Variants in NCKAP5 observed in about 807,000 individuals in gnomAD.
NCKAP5 encodes the protein NCK associated protein 5, also known as nck-associated protein 5.
In NCKAP5, 92 loss-of-function variants were observed where a neutral mutation model predicts 167.0. The observed-to-expected ratio is 0.55, with a 90% CI of 0.47 to 0.66. The LOEUF is 0.66. NCKAP5 is among the 30% of genes least tolerant of loss of function. NCKAP5 has a pLI of 0.00. For synonymous variants in NCKAP5, 891 were observed against 877.4 expected (o/e 1.02, Z -0.27); for missense variants, 2,378 against 2,315.0 (o/e 1.03, Z -0.56).
intron 3 of NCKAP5, among the ~76,000 whole-genome samples, chr2:133,472,364 G>A (rs1472592814): frequency 6.6e-6 from 1 of 151,968 alleles, no homozygotes; most frequent in Non-Finnish European, 1.5e-5. Flanking sequence ...AGCATCTTAT[G>A]CTTCTAGACA....
chr2:133,166,570 C>A lies in NCKAP5; in HGVS notation c.208-36459G>T, dbSNP rs115558905. 4.9e-3 allele frequency among the ~76,000 whole-genome samples: 739 copies of A among 152,284 alleles called. 2 individuals are homozygous for A. Among genetic ancestry groups the A allele is most frequent in the Non-Finnish European group, 8.1e-3 (554 of 68,022 alleles). On this transcript the variant is annotated intron_variant, in intron 5 of 19. Coordinates refer to ENST00000409261, the MANE Select transcript of NCKAP5 (RefSeq NM_207363.3). ...CTTTTGCATTATTGCCTTAGGCCAG[C>A]TTTTCCTACCTTAAATTTAAACACA...
intron 3 of NCKAP5, among the ~76,000 whole-genome samples, chr2:133,395,522 G>T (rs911364673): frequency 2.6e-5 from 4 of 152,168 alleles, no homozygotes; most frequent in Non-Finnish European, 5.9e-5. Flanking sequence ...TAAATATTTT[G>T]AGTGAATTCT....
the NCKAP5 span, among the ~76,000 whole-genome samples, chr2:133,635,355 T>C: frequency 0.13 from 19,158 of 152,116 alleles, 2,442 homozygotes; most frequent in East Asian, 0.45. Context: ...AAATATCTGT[T>C]CTTATTCTAC....
At chr2:132,904,637 G>C (rs558568255) in intron 8 of NCKAP5, among the ~76,000 whole-genome samples, 1 of 152,150 alleles carries the variant, frequency 6.6e-6, no homozygotes, top group South Asian at 2.1e-4. Context: ...AGGAGCATAC[G>C]TGAGAATCAC....
chr2:133,246,118 C>A (rs942160543), intron 4 of NCKAP5, among the ~76,000 whole-genome samples: 1 of 151,796 alleles, frequency 6.6e-6, no homozygotes, highest in Non-Finnish European at 1.5e-5. Context: ...GTGTGAGGAC[C>A]CAGCAATAGG....
chr2:133,429,273 T>C lies in NCKAP5; in HGVS notation c.69+88185A>G, dbSNP rs545661944. Among the ~76,000 whole-genome samples, 8 of 148,540 alleles carry C rather than the reference T, an allele frequency of 5.4e-5. No individual in the cohort carries two copies. The South Asian group carries it at 1.7e-3, about 32-fold the overall frequency. ...ACAGTATTAGATGATTTTGCTTTGC[T>C]TTGTTTTAATTTGGAGCTACTTTTT... is the stretch of plus-strand genomic sequence containing the variant. On this transcript the variant is annotated intron_variant, in intron 3 of 19. Coordinates refer to ENST00000409261, the MANE Select transcript of NCKAP5 (RefSeq NM_207363.3).
rs1158818797 is a variant in NCKAP5 at position 132,976,396 on chromosome 2, C to T, written c.430-12527G>A. ...TGGCCAACATGGTGAAACCCCATCT[C>T]TACTGAAAATACAGAAAATTAGCCG... On this transcript the variant is annotated intron_variant, in intron 7 of 19. Transcript: ENST00000409261. 3.3e-5 allele frequency among the ~76,000 whole-genome samples: 5 copies of T among 152,034 alleles called. No individual in the cohort carries two copies. The East Asian group carries it at 5.8e-4, about 18-fold the overall frequency.
chr2:133,445,840 C>T (rs1559490607), intron 3 of NCKAP5, among the ~76,000 whole-genome samples: 1 of 152,082 alleles, frequency 6.6e-6, no homozygotes, highest in Non-Finnish European at 1.5e-5. Context: ...TGTGACACCC[C>T]TGAAGAAAGC....
At chr2:133,559,341 C>T (rs1201093313) in intron 1 of NCKAP5, among the ~76,000 whole-genome samples, 1 of 152,138 alleles carries the variant, frequency 6.6e-6, no homozygotes, top group Non-Finnish European at 1.5e-5. Flanking sequence ...AAAATCGCTG[C>T]TGATTTTTTA....
intron 6 of NCKAP5, among the ~76,000 whole-genome samples, chr2:133,046,721 T>C (rs1051575463): frequency 1.3e-5 from 2 of 152,076 alleles, no homozygotes; most frequent in Non-Finnish European, 2.9e-5. Context: ...CTACCTAGCT[T>C]CTAAGAAATC....
intron 7 of NCKAP5, 117 bp downstream of exon 7, chr2:132,994,035 G>T: frequency 1.6e-6 from 1 of 623,532 alleles, no homozygotes. Context: ...GTGGCTTTTA[G>T]CACTGGGGTC....
intron 19 of NCKAP5, among the ~76,000 whole-genome samples, chr2:132,682,631 A>G (rs565657438): frequency 6.6e-6 from 1 of 152,296 alleles, no homozygotes; most frequent in African/African-American, 2.4e-5. Flanking sequence ...CTTTGGTCTA[A>G]TAATGGCACC....
At chr2:133,124,324 G>A (rs1195843756) in intron 6 of NCKAP5, among the ~76,000 whole-genome samples, 1 of 152,170 alleles carries the variant, frequency 6.6e-6, no homozygotes, top group Non-Finnish European at 1.5e-5. Context: ...ACATTTCAAG[G>A]CTGAAGAGGC....
At chr2:132,800,066 ATG>A (rs1684908922) in intron 11 of NCKAP5, among the ~76,000 whole-genome samples, 1 of 152,178 alleles carries the variant, frequency 6.6e-6, no homozygotes, top group South Asian at 2.1e-4. Context: ...ATATACAGGC[ATG>A]TGTGTGTATA....
chr2:132,889,100 G>A (rs1692474473), intron 8 of NCKAP5, among the ~76,000 whole-genome samples: 1 of 152,174 alleles, frequency 6.6e-6, no homozygotes, highest in Non-Finnish European at 1.5e-5. Context: ...AGGCCCTGGA[G>A]GATGAGATGC....
intron 6 of NCKAP5, among the ~76,000 whole-genome samples, chr2:133,018,944 C>T (rs910372974): frequency 6.6e-6 from 1 of 152,144 alleles, no homozygotes; most frequent in Non-Finnish European, 1.5e-5. Context: ...AAAAGTCAAC[C>T]ATTAGAGGTT....
At chr2:132,895,070 A>T (rs540316404) in intron 8 of NCKAP5, among the ~76,000 whole-genome samples, 1 of 152,068 alleles carries the variant, frequency 6.6e-6, no homozygotes, top group Non-Finnish European at 1.5e-5. Flanking sequence ...AGTGGCTCAC[A>T]TCTGTAATCC....
intron 8 of NCKAP5, among the ~76,000 whole-genome samples, chr2:132,949,861 T>C (rs2076130580): frequency 6.6e-6 from 1 of 152,144 alleles, no homozygotes; most frequent in Admixed American, 6.5e-5. Context: ...TGGGAGGCCA[T>C]GGCGGACAGA....
At chr2:133,438,201 G>A (rs1480948397) in intron 3 of NCKAP5, among the ~76,000 whole-genome samples, 2 of 152,220 alleles carry the variant, frequency 1.3e-5, no homozygotes, top group Non-Finnish European at 2.9e-5. Context: ...AGCCACAGGT[G>A]TTGTTGGGTG....
Sources: allele counts gnomAD v4.1 joint callset (sites outside exome capture counted in the v4.1 genomes callset), GRCh38; gene constraint gnomAD v4.1.1; transcripts MANE v1.5; gene names NCBI Gene and HGNC (gene_info 2026-07-23, HGNC 2026-07-21).